Variants in RETREG3 observed in about 807,000 individuals in gnomAD.
RETREG3 encodes reticulophagy regulator 3.
A neutral mutation model predicts 50.2 loss-of-function variants in RETREG3; 23 were observed. The ratio of observed to expected loss-of-function variants is 0.46; its 90% CI spans 0.33 to 0.65. The LOEUF (loss-of-function observed/expected upper bound fraction) is 0.65. Ranked by LOEUF, RETREG3 falls within the 30% of genes least tolerant of loss-of-function variation. RETREG3 has a pLI of 0.02. For synonymous variants in RETREG3, 240 were observed against 234.4 expected (o/e 1.02, Z -0.22); for missense variants, 546 against 598.0 (o/e 0.91, Z 0.91).
At chr17:42,605,224 C>T (rs2093165699) in intron 1 of RETREG3, 1 of 143,740 alleles carries the variant, frequency 7.0e-6, no homozygotes. Flanking sequence ...GGATACAAAA[C>T]ACTGAAAATT....
intron 7 of RETREG3, among the ~76,000 whole-genome samples, chr17:42,583,087 C>T (rs2093113517): frequency 6.6e-6 from 1 of 152,102 alleles, no homozygotes; most frequent in African/African-American, 2.4e-5. Flanking sequence ...GGAAGAAAAG[C>T]AGTCTTGGGG....
At position 42,596,896 on chromosome 17, in the gene RETREG3, A is replaced by G. The variant is rs1249132576; in HGVS notation, c.240-4734T>C. On this transcript the variant is annotated intron_variant, in intron 1 of 8. Transcript: ENST00000309428. ...GAATTTTTTTTTTTTTTTTGAGATAAGAGTCTGGCTTTGTCACCCAGGCTG... is the reference window on the plus strand; with the variant it reads ...GAATTTTTTTTTTTTTTTTGAGATAGGAGTCTGGCTTTGTCACCCAGGCTG... Among the ~76,000 whole-genome samples the G allele has an allele frequency of 5.4e-5, 8 of 149,392 alleles. No individual in the cohort carries two copies. In the East Asian group the frequency reaches 1.6e-3, roughly 29 times the overall value.
intron 2 of RETREG3, among the ~76,000 whole-genome samples, chr17:42,589,493 T>C (rs1332873656): frequency 6.6e-6 from 1 of 152,150 alleles, no homozygotes; most frequent in Non-Finnish European, 1.5e-5. Context: ...AGTACAGTGG[T>C]GCGATCACGG....
chr17:42,598,185 G>C (rs1358162079), intron 1 of RETREG3, among the ~76,000 whole-genome samples: 1 of 150,670 alleles, frequency 6.6e-6, no homozygotes, highest in African/African-American at 2.4e-5. Context: ...GTTTTACCAT[G>C]TTAGCTAGGA....
In RETREG3 at chr17:42,587,815, T is replaced by C. The variant is rs1567921858; in HGVS notation, c.377+19A>G. The C allele has an allele frequency of 5.0e-6, 8 of 1,614,030 alleles. No homozygotes were observed. The highest frequency in any genetic ancestry group is 6.8e-6 in the Non-Finnish European group (8 of 1,179,918). On this transcript the variant is annotated intron_variant, in intron 3 of 8. Transcript: ENST00000309428. ...AATGAATCAGAGCAACAAAAAGGGA[T>C]TTAATTAGTGTTCCATACCTCTCAT...
chr17:42,599,956 T>C (rs1302977559), intron 1 of RETREG3, among the ~76,000 whole-genome samples: 1 of 151,978 alleles, frequency 6.6e-6, no homozygotes, highest in South Asian at 2.1e-4. Context: ...ATCGTGCCAC[T>C]GTACCCCAGC....
At position 42,609,135 on chromosome 17, in the gene RETREG3, G is replaced by A; in HGVS notation, c.190C>T (p.Arg64Trp). The A allele has an allele frequency of 6.2e-7, 1 of 1,609,514 alleles. No individual in the cohort carries two copies. Among genetic ancestry groups the A allele is most frequent in the Non-Finnish European group, 8.5e-7 (1 of 1,179,880 alleles). The change falls in exon 1 of 9, where the codon CGG (arginine) becomes TGG (tryptophan). Residue 64 changes from arginine to tryptophan, a missense_variant. By Grantham distance (101) the Arg-to-Trp change is moderately radical (BLOSUM62 -3). Transcript: ENST00000309428. Reference sequence around the variant, plus strand: ...CACCACAGAGCGCTCCTAGCTGGCCGCTCCCACACCAGGGCTGCCTGCACC... The same window carrying A: ...CACCACAGAGCGCTCCTAGCTGGCCACTCCCACACCAGGGCTGCCTGCACC... ...SRVQAALVWERPARSALWCLG... is the reference protein window; with the variant it reads ...SRVQAALVWEWPARSALWCLG...
Position 42,582,104 on chromosome 17 carries a change from T to C in RETREG3, c.1110A>G (p.Pro370=). 1 of 1,613,906 alleles carries C rather than the reference T, an allele frequency of 6.2e-7. No homozygotes were observed. Residue 370 remains proline (P), a synonymous_variant, in exon 9 of 9, where the codon CCA becomes CCG. Transcript: ENST00000309428. ...SPPGAEEPQA[P]PASRDEAALP... ...GCGCAGCCTCGTCCCGGCTGGCAGG[T>C]GGGGCCTGGGGCTCCTCAGCCCCTG...
At chr17:42,597,153 C>A (rs1365880436) in intron 1 of RETREG3, among the ~76,000 whole-genome samples, 1 of 151,204 alleles carries the variant, frequency 6.6e-6, no homozygotes, top group Non-Finnish European at 1.5e-5. Context: ...GGATTAGAGG[C>A]ATGAGCCGCT....
chr17:42,592,008 G>A, intron 2 of RETREG3, 48 bp downstream of exon 2: 1 of 1,492,228 alleles, frequency 6.7e-7, no homozygotes, highest in South Asian at 1.2e-5. Context: ...ACAAATTATA[G>A]GAAAGGCCAT....
intron 3 of RETREG3, 101 bp from the exon 4 acceptor site, chr17:42,586,992 G>T (rs2093122706): frequency 8.0e-6 from 12 of 1,493,114 alleles, no homozygotes; most frequent in Admixed American, 2.0e-5. Context: ...TGGGGTTTGG[G>T]GAGTGACTAG....
At chr17:42,596,988 C>G (rs1226599452) in intron 1 of RETREG3, among the ~76,000 whole-genome samples, 4 of 147,928 alleles carry the variant, frequency 2.7e-5, no homozygotes, top group African/African-American at 1.0e-4. Flanking sequence ...TTCTCCTGTC[C>G]TAGTCTCCCA....
chr17:42,604,368 T>C (rs1000543364), intron 1 of RETREG3, among the ~76,000 whole-genome samples: 3 of 152,064 alleles, frequency 2.0e-5, no homozygotes, highest in Non-Finnish European at 2.9e-5. Flanking sequence ...GATTCACAGA[T>C]TGTTAAAAAC....
At chr17:42,597,702 C>A (rs2143411817) in intron 1 of RETREG3, among the ~76,000 whole-genome samples, 1 of 139,856 alleles carries the variant, frequency 7.2e-6, no homozygotes, top group Middle Eastern at 4.2e-3. Flanking sequence ...CAGATCTCCA[C>A]TCACTTCAAC....
At chr17:42,600,913 G>T (rs1221906587) in intron 1 of RETREG3, among the ~76,000 whole-genome samples, 1 of 152,116 alleles carries the variant, frequency 6.6e-6, no homozygotes, top group Non-Finnish European at 1.5e-5. Context: ...GGAGTTCCAG[G>T]GTACAGTGAG....
At position 42,582,631 on chromosome 17, in the gene RETREG3, AC is replaced by A. The variant is rs2093111943; in HGVS notation, c.943+42del. 5.6e-6 allele frequency: 9 copies of A among 1,611,214 alleles called. No homozygotes were observed. In the South Asian group the frequency reaches 9.9e-5, roughly 18 times the overall value. On this transcript the variant is annotated intron_variant, in intron 8 of 8. Coordinates refer to ENST00000309428, the MANE Select transcript of RETREG3 (RefSeq NM_178126.4). ...CTCTGTTCAGGGAAGCTAAGAGGCA[AC>A]AGTCAGAGCCATTATCAACTGAGGT...
intron 2 of RETREG3, among the ~76,000 whole-genome samples, 162 bp downstream of exon 2, chr17:42,591,894 T>C (rs1049704537): frequency 3.3e-5 from 5 of 152,202 alleles, no homozygotes; most frequent in Non-Finnish European, 5.9e-5. Flanking sequence ...GGAACCATAA[T>C]TGGGGCACAA....
At chr17:42,600,404 T>C (rs1301511261) in intron 1 of RETREG3, among the ~76,000 whole-genome samples, 11 of 152,064 alleles carry the variant, frequency 7.2e-5, no homozygotes, top group Non-Finnish European at 7.4e-5. Context: ...AAAAGTATCA[T>C]TTATGACATT....
intron 2 of RETREG3, among the ~76,000 whole-genome samples, chr17:42,591,342 CTTT>C (rs796516343): frequency 4.3e-5 from 6 of 140,344 alleles, no homozygotes; most frequent in Admixed American, 7.1e-5. Flanking sequence ...ATGGTACTTT[CTTT>C]TTTTTTTTTT....
Sources: allele counts gnomAD v4.1 joint callset (sites outside exome capture counted in the v4.1 genomes callset), GRCh38; gene constraint gnomAD v4.1.1; transcripts MANE v1.5; gene names NCBI Gene and HGNC (gene_info 2026-07-23, HGNC 2026-07-21).